CCL28: variants seen among roughly 807,000 people sequenced by gnomAD.
The protein encoded by CCL28 is C-C motif chemokine ligand 28.
Under a neutral mutation model 7.1 loss-of-function variants are expected in CCL28, and 4 were observed. The ratio of observed to expected loss-of-function variants is 0.56; its 90% confidence interval spans 0.28 to 1.29. The LOEUF is 1.29. Among genes scored for constraint, CCL28 ranks in the 50% most tolerant of loss-of-function variants. CCL28 has a pLI of 0.11. For synonymous variants in CCL28, 55 were observed against 57.8 expected (o/e 0.95, Z 0.22); for missense variants, 151 against 163.4 (o/e 0.92, Z 0.41).
downstream of CCL28, among the ~76,000 whole-genome samples, chr5:43,376,344 G>C (rs938498268): frequency 6.6e-6 from 1 of 152,060 alleles, no homozygotes; most frequent in Non-Finnish European, 1.5e-5. Flanking sequence ...AGACATTTTT[G>C]GATGTCATCT....
In CCL28 at chr5:43,381,288, C is replaced by T. The variant is rs1740101885; in HGVS notation, c.*572G>A. On this transcript the variant is annotated 3_prime_UTR_variant, in exon 3 of 3. Transcript: ENST00000361115. ...GTTCATTGTACCATTCTTTTAACTT[C>T]TCTGTAAGTTTGGAAAACTATAATT... 6.6e-6 allele frequency: 1 copy of T among 152,074 alleles called. No homozygotes were observed. 9.4% of individuals were successfully genotyped at this position (152,074 alleles called of 1,614,324 possible).
Position 43,381,693 on chromosome 5 carries a change from T to A in CCL28, c.*167A>T. The A allele has an allele frequency of 1.7e-6, 1 of 597,274 alleles. No individual in the cohort carries two copies. The highest frequency in any genetic ancestry group is 3.2e-5 in the Admixed American group (1 of 31,394). 37.0% of individuals were successfully genotyped at this position (597,274 alleles called of 1,614,324 possible). On this transcript the variant is annotated 3_prime_UTR_variant, in exon 3 of 3. Transcript: ENST00000361115. ...CTTTTCATTTCATTTTCCAGTTGAG[T>A]ATATTATTGGCTACATTTGCATACC...
intron 1 of CCL28, among the ~76,000 whole-genome samples, chr5:43,403,430 C>T (rs1253868160): frequency 9.9e-5 from 15 of 152,218 alleles, no homozygotes; most frequent in Non-Finnish European, 1.3e-4. Context: ...CAAACTCCAA[C>T]AGACCTGCAG....
intron 1 of CCL28, among the ~76,000 whole-genome samples, chr5:43,395,914 C>T (rs1054014459): frequency 1.5e-4 from 22 of 147,480 alleles, no homozygotes; most frequent in Non-Finnish European, 2.7e-4. Flanking sequence ...CTCTGTTGCC[C>T]AGACTGGAGT....
chr5:43,385,148 C>T (rs1472045418), intron 2 of CCL28, among the ~76,000 whole-genome samples: 1 of 152,186 alleles, frequency 6.6e-6, no homozygotes, highest in Non-Finnish European at 1.5e-5. Context: ...CCGCCTGCCT[C>T]GGCCTCCCAA....
At chr5:43,404,447 C>A (rs905996409) in intron 1 of CCL28, among the ~76,000 whole-genome samples, 2 of 152,140 alleles carry the variant, frequency 1.3e-5, no homozygotes, top group Non-Finnish European at 2.9e-5. Flanking sequence ...CCTTTACAGA[C>A]AAGCAAATGC....
chr5:43,401,082 C>CAA (rs34105761), intron 1 of CCL28, among the ~76,000 whole-genome samples: 10 of 95,050 alleles, frequency 1.1e-4, no homozygotes, highest in Non-Finnish European at 1.3e-4. Context: ...GACTCCGTCT[C>CAA]AAAAAAAAAA....
intron 1 of CCL28, among the ~76,000 whole-genome samples, chr5:43,393,468 C>A (rs1420985370): frequency 6.6e-6 from 1 of 152,084 alleles, no homozygotes; most frequent in Non-Finnish European, 1.5e-5. Context: ...GATTCTCCTG[C>A]CTCAGCCTCC....
intron 1 of CCL28, among the ~76,000 whole-genome samples, chr5:43,398,471 C>T (rs1280566104): frequency 2.0e-5 from 3 of 152,172 alleles, no homozygotes; most frequent in Non-Finnish European, 4.4e-5. Flanking sequence ...TCTCATTGGA[C>T]CTCTCTGCTG....
At chr5:43,377,717 CTTTTTTTTTTTTTTTTTTT>C (rs767834184), downstream of CCL28, among the ~76,000 whole-genome samples, 3 of 42,710 alleles carry the variant, frequency 7.0e-5, no homozygotes, top group East Asian at 7.1e-4. Flanking sequence ...AGAACTTAAA[CTTTTTTTTTTTTTTTTTTT>C]TTTTTTTTTT....
At chr5:43,363,445 G>C in the CCL28 span, among the ~76,000 whole-genome samples, 2 of 152,172 alleles carry the variant, frequency 1.3e-5, no homozygotes, top group Non-Finnish European at 2.9e-5. Flanking sequence ...ATTTACTCCA[G>C]AATTGGGCTC....
chr5:43,405,621 A>G (rs756592542), intron 1 of CCL28, among the ~76,000 whole-genome samples: 6 of 152,080 alleles, frequency 3.9e-5, no homozygotes, highest in Admixed American at 6.6e-5. Flanking sequence ...TCAAAAGCCT[A>G]CAGGAGTCTA....
rs191852326 is a variant in CCL28 at position 43,397,710 on chromosome 5, C to T, written c.65-9234G>A. Among the ~76,000 whole-genome samples the T allele has an allele frequency of 3.9e-5, 6 of 152,306 alleles. No individual in the cohort carries two copies. In the East Asian group the frequency reaches 1.2e-3, roughly 29 times the overall value. ...ATCATCTCTCTTGCCTCACAGGAGT[C>T]TGGGCCCTAGAGATAGCTTTTCTGT... On this transcript the variant is annotated intron_variant, in intron 1 of 2. Transcript: ENST00000361115.
At chr5:43,406,239 A>T (rs1024143094) in intron 1 of CCL28, among the ~76,000 whole-genome samples, 6 of 152,156 alleles carry the variant, frequency 3.9e-5, no homozygotes, top group African/African-American at 1.4e-4. Context: ...ATCGATGCAA[A>T]AATCCTCAAT....
downstream of CCL28, among the ~76,000 whole-genome samples, chr5:43,376,440 C>T (rs149114604): frequency 7.6e-4 from 115 of 152,284 alleles, no homozygotes; most frequent in African/African-American, 2.7e-3. Context: ...CCCAAGATGT[C>T]AGTAGTGCCA....
In CCL28 at chr5:43,408,638, T is replaced by TA. The variant is rs780885223; in HGVS notation, c.64+3614dup. Among the ~76,000 whole-genome samples, 553 of 151,450 alleles carry TA rather than the reference T, an allele frequency of 3.7e-3. 2 individuals are homozygous for TA. Among genetic ancestry groups the TA allele is most frequent in the Admixed American group, 7.8e-3 (119 of 15,210 alleles). On this transcript the variant is annotated intron_variant, in intron 1 of 2. Coordinates refer to ENST00000361115, the MANE Select transcript of CCL28 (RefSeq NM_148672.3). ...ATGTACCCTAGACCTTTAAGTATAA[T>TA]AAAAAAAAATTGGTGTGGATGTATG...
At chr5:43,371,462 A>C in the CCL28 span, among the ~76,000 whole-genome samples, 1 of 152,230 alleles carries the variant, frequency 6.6e-6, no homozygotes, top group Admixed American at 6.5e-5. Flanking sequence ...CTAGGTCATA[A>C]AAATTCTGAG....
chr5:43,367,970 A>G, the CCL28 span, among the ~76,000 whole-genome samples: 1 of 152,192 alleles, frequency 6.6e-6, no homozygotes, highest in Non-Finnish European at 1.5e-5. Context: ...AGCAATACAA[A>G]TAAGGTAGGC....
chr5:43,397,128 C>A (rs986976218), intron 1 of CCL28: 1 of 152,260 alleles, frequency 6.6e-6, no homozygotes, highest in Admixed American at 6.5e-5. Flanking sequence ...ACAAGTACTA[C>A]GCGAAGGGTA....
Sources: allele counts gnomAD v4.1 joint callset (sites outside exome capture counted in the v4.1 genomes callset), GRCh38; gene constraint gnomAD v4.1.1; transcripts MANE v1.5; gene names NCBI Gene and HGNC (gene_info 2026-07-23, HGNC 2026-07-21).